The following PRPSAP1 variants were observed in gnomAD, a reference collection of about 807,000 sequenced individuals.
PRPSAP1 encodes phosphoribosyl pyrophosphate synthase-associated protein 1.
In PRPSAP1, 31 loss-of-function variants were observed where a neutral mutation model predicts 39.4. The ratio of observed to expected loss-of-function variants is 0.79; its 90% confidence interval spans 0.59 to 1.06. PRPSAP1 has a LOEUF of 1.06. PRPSAP1 is among the 50% of genes least tolerant of loss of function. PRPSAP1 has a pLI of 0.00. For missense variants in PRPSAP1, 430 were observed against 511.6 expected (o/e 0.84, Z 1.54); for synonymous variants, 212 against 192.6 (o/e 1.10, Z -0.83).
intron 3 of PRPSAP1, among the ~76,000 whole-genome samples, chr17:76,334,373 G>C (rs182263461): frequency 6.6e-6 from 1 of 152,358 alleles, no homozygotes. Context: ...AGCGTTTGCT[G>C]AATAGGTGGC....
At chr17:76,352,659 A>G (rs996339286) in intron 1 of PRPSAP1, among the ~76,000 whole-genome samples, 1 of 151,020 alleles carries the variant, frequency 6.6e-6, no homozygotes, top group South Asian at 2.1e-4. Context: ...AAAAAAAAAA[A>G]AAAAAAAAGA....
intron 3 of PRPSAP1, among the ~76,000 whole-genome samples, chr17:76,342,065 G>A (rs766102613): frequency 2.6e-5 from 4 of 152,096 alleles, no homozygotes; most frequent in South Asian, 2.1e-4. Flanking sequence ...TGAGGGCAAC[G>A]CAGCCCCTTC....
intron 5 of PRPSAP1, 87 bp from the exon 6 acceptor site, chr17:76,330,185 T>C (rs118131169): frequency 0.023 from 27,314 of 1,166,054 alleles, 451 homozygotes; most frequent in Middle Eastern, 0.056. Context: ...CCTCTTATAA[T>C]GATCCAAACT....
chr17:76,339,175 C>T (rs911388020), intron 3 of PRPSAP1, among the ~76,000 whole-genome samples: 24 of 151,686 alleles, frequency 1.6e-4, no homozygotes, highest in Middle Eastern at 6.8e-3. Flanking sequence ...GAGGCCAAGG[C>T]GGGTGGATCA....
chr17:76,353,988 G>A, upstream of PRPSAP1: 1 of 1,266,414 alleles, frequency 7.9e-7, no homozygotes, highest in Non-Finnish European at 9.9e-7. Flanking sequence ...CTCGGATGAG[G>A]GCAGGGAGCC....
chr17:76,320,807 G>T lies in PRPSAP1; in HGVS notation c.782-6916C>A, dbSNP rs1447876411. 4.0e-5 allele frequency among the ~76,000 whole-genome samples: 6 copies of T among 149,780 alleles called. No homozygotes were observed. The East Asian group carries it at 7.9e-4, about 20-fold the overall frequency. On this transcript the variant is annotated intron_variant, in intron 7 of 9. Transcript: ENST00000446526. ...CTCTCTTTTTTTTTTTTAAAGACAG[G>T]GTCTTGCTCTATAACCCAGGCTGGA...
intron 5 of PRPSAP1, 154 bp downstream of exon 5, chr17:76,330,397 C>T (rs1362269901): frequency 1.6e-6 from 1 of 639,468 alleles, no homozygotes; most frequent in Admixed American, 3.1e-5. Context: ...CTATGATCGT[C>T]CACGACTAAA....
At position 76,337,788 on chromosome 17, in the gene PRPSAP1, G is replaced by A. The variant is rs144108871; in HGVS notation, c.291-5353C>T. Among the ~76,000 whole-genome samples, 396 of 152,174 alleles carry A rather than the reference G, an allele frequency of 2.6e-3. 2 individuals are homozygous for A. Among genetic ancestry groups the A allele is most frequent in the African/African-American group, 9.3e-3 (386 of 41,510 alleles). On this transcript the variant is annotated intron_variant, in intron 3 of 9. Coordinates refer to ENST00000446526, the MANE Select transcript of PRPSAP1 (RefSeq NM_002766.3). ...GCCTGGTTAATTTTTTGTATTTTTAGTAGAGACGGGGTTTCACCATGTTGG... is the reference window on the plus strand; with the variant it reads ...GCCTGGTTAATTTTTTGTATTTTTAATAGAGACGGGGTTTCACCATGTTGG...
At chr17:76,316,174 T>TAAAAAAAAAAAAAA (rs1377721818) in intron 7 of PRPSAP1, among the ~76,000 whole-genome samples, 1 of 73,524 alleles carries the variant, frequency 1.4e-5, no homozygotes, top group African/African-American at 4.4e-5. Flanking sequence ...AGACTCCGTC[T>TAAAAAAAAAAAAAA]AAAAAAAAAA....
In PRPSAP1 at chr17:76,313,900, A is replaced by T; in HGVS notation, c.782-9T>A. On this transcript the variant is annotated splice_polypyrimidine_tract_variant and intron_variant, in intron 7 of 9. Transcript: ENST00000446526. ...CTCTTTGGCCATCATCACTAGCAAA[A>T]CAAAACAAATTACAAGATCTCAGTC... The T allele has an allele frequency of 6.2e-7, 1 of 1,613,992 alleles. No homozygotes were observed.
intron 7 of PRPSAP1, among the ~76,000 whole-genome samples, chr17:76,318,286 A>G (rs1327607217): frequency 6.6e-6 from 1 of 152,018 alleles, no homozygotes; most frequent in Admixed American, 6.6e-5. Context: ...CATCTCTACT[A>G]AAAATACAAA....
At chr17:76,330,391 G>A in intron 5 of PRPSAP1, 160 bp downstream of exon 5, 1 of 630,578 alleles carries the variant, frequency 1.6e-6, no homozygotes, top group South Asian at 2.2e-5. Context: ...TTAAAGCTAT[G>A]ATCGTCCACG....
chr17:76,324,149 A>G (rs1444393393), intron 7 of PRPSAP1, among the ~76,000 whole-genome samples: 1 of 151,666 alleles, frequency 6.6e-6, no homozygotes, highest in Non-Finnish European at 1.5e-5. Flanking sequence ...TCAAAAAAAA[A>G]AAAAAAGAAA....
At chr17:76,316,144 C>T (rs2071120650) in intron 7 of PRPSAP1, among the ~76,000 whole-genome samples, 1 of 145,566 alleles carries the variant, frequency 6.9e-6, no homozygotes, top group East Asian at 2.0e-4. Flanking sequence ...CCACTGCACA[C>T]CAGCCTGGGC....
chr17:76,332,217 C>A, intron 4 of PRPSAP1, 46 bp downstream of exon 4: 1 of 1,597,166 alleles, frequency 6.3e-7, no homozygotes, highest in South Asian at 1.1e-5. Flanking sequence ...TAGGAAAGAG[C>A]CCTAAAGGAT....
intron 1 of PRPSAP1, among the ~76,000 whole-genome samples, 174 bp from the exon 2 acceptor site, chr17:76,348,755 C>T (rs1055341934): frequency 6.6e-5 from 10 of 152,164 alleles, no homozygotes; most frequent in African/African-American, 2.4e-4. Context: ...ACTCCATAAG[C>T]AGCTCACCAC....
intron 1 of PRPSAP1, among the ~76,000 whole-genome samples, chr17:76,352,406 G>A (rs2071585088): frequency 6.6e-6 from 1 of 152,052 alleles, no homozygotes; most frequent in South Asian, 2.1e-4. Flanking sequence ...AGCACTTTGG[G>A]AGGCCGAGGC....
intron 7 of PRPSAP1, among the ~76,000 whole-genome samples, chr17:76,320,858 T>C (rs1227854547): frequency 6.6e-6 from 1 of 151,776 alleles, no homozygotes; most frequent in African/African-American, 2.4e-5. Flanking sequence ...CTCGGCTCAC[T>C]GCAACCTCTG....
chr17:76,320,341 G>GGA (rs1567799218), intron 7 of PRPSAP1, among the ~76,000 whole-genome samples: 19 of 68,466 alleles, frequency 2.8e-4, no homozygotes, highest in African/African-American at 2.0e-3. Context: ...GGGAGGGAGG[G>GGA]AGGAAGGAAG....
Sources: gnomAD v4.1 joint callset for allele counts (sites outside exome capture counted in the v4.1 genomes callset) on GRCh38, gnomAD v4.1.1 for gene constraint, MANE v1.5 for transcripts, NCBI Gene and HGNC (gene_info 2026-07-23, HGNC 2026-07-21) for gene names.